Variants in ADAMTS19 observed in about 807,000 individuals in gnomAD.
ADAMTS19 encodes A disintegrin and metalloproteinase with thrombospondin motifs 19.
Under a neutral mutation model 153.3 loss-of-function variants are expected in ADAMTS19, and 93 were observed. The ratio of observed to expected loss-of-function variants is 0.61; its 90% CI spans 0.51 to 0.72. The LOEUF (loss-of-function observed/expected upper bound fraction) is 0.72, where lower values mean the gene tolerates loss of function less well. Among genes scored for constraint, ADAMTS19 ranks in the 30% least tolerant of loss-of-function variants. The pLI is 0.00. For missense variants in ADAMTS19, 1,482 were observed against 1,552.1 expected, an observed-to-expected ratio of 0.95 and a Z score of 0.76; for synonymous variants, 600 against 556.6, an observed-to-expected ratio of 1.08 and a Z score of -1.10.
chr5:129,703,010 A>G (rs1581243412), intron 20 of ADAMTS19, among the ~76,000 whole-genome samples: 1 of 147,534 alleles, frequency 6.8e-6, no homozygotes, highest in Non-Finnish European at 1.5e-5. Context: ...GCCAAATCAC[A>G]TAGTCCACTT....
intron 18 of ADAMTS19, among the ~76,000 whole-genome samples, chr5:129,690,849 A>G (rs1755300470): frequency 6.6e-6 from 1 of 152,108 alleles, no homozygotes; most frequent in African/African-American, 2.4e-5. Context: ...AGAAATTTAC[A>G]AACACACACA....
At chr5:129,671,654 T>C (rs1045924777) in intron 16 of ADAMTS19, among the ~76,000 whole-genome samples, 4 of 152,158 alleles carry the variant, frequency 2.6e-5, no homozygotes, top group African/African-American at 9.7e-5. Flanking sequence ...CAATTATTGT[T>C]TTTCATCATT....
At chr5:129,606,898 T>C (rs1750923142) in intron 8 of ADAMTS19, among the ~76,000 whole-genome samples, 1 of 126,004 alleles carries the variant, frequency 7.9e-6, no homozygotes, top group South Asian at 2.9e-4. Context: ...GAAATATGTT[T>C]CCACTTTATT....
chr5:129,511,878 A>G (rs1236463330), intron 3 of ADAMTS19, among the ~76,000 whole-genome samples: 3 of 152,054 alleles, frequency 2.0e-5, no homozygotes, highest in Non-Finnish European at 4.4e-5. Context: ...AAGTGACATT[A>G]TGTATTAAAA....
intron 18 of ADAMTS19, among the ~76,000 whole-genome samples, chr5:129,692,395 T>C (rs1218165142): frequency 2.6e-5 from 4 of 152,112 alleles, no homozygotes; most frequent in Non-Finnish European, 5.9e-5. Context: ...ATTTGAAAAT[T>C]ATTTGAAGTT....
At chr5:129,559,495 C>A (rs1436384115) in intron 7 of ADAMTS19, among the ~76,000 whole-genome samples, 2 of 152,028 alleles carry the variant, frequency 1.3e-5, no homozygotes, top group African/African-American at 4.8e-5. Flanking sequence ...AAATTAAAAT[C>A]TTACATTATA....
rs397767317 is a variant in ADAMTS19 at position 129,498,813 on chromosome 5, T to TTTG, written c.748-10264_748-10263insTTG. Reference sequence around the variant, plus strand: ...CATTCACTCTATTTTTTTTTTTTTTTGATCTTTCTTTGTTTCTTTAATACT... The same window carrying TTTG: ...CATTCACTCTATTTTTTTTTTTTTTTTTGGATCTTTCTTTGTTTCTTTAATACT... On this transcript the variant is annotated intron_variant, in intron 2 of 22. Transcript: ENST00000274487. 5.2e-3 allele frequency among the ~76,000 whole-genome samples: 770 copies of TTTG among 149,146 alleles called. 8 individuals carry two copies. The highest frequency in any genetic ancestry group is 0.018 in the African/African-American group (725 of 40,122).
At chr5:129,545,607 T>C (rs921076089) in intron 6 of ADAMTS19, among the ~76,000 whole-genome samples, 3 of 151,822 alleles carry the variant, frequency 2.0e-5, no homozygotes, top group Non-Finnish European at 2.9e-5. Flanking sequence ...AAAGAAGACA[T>C]TTATGCAGCC....
chr5:129,633,555 A>G (rs1752402095), intron 10 of ADAMTS19, among the ~76,000 whole-genome samples: 1 of 152,150 alleles, frequency 6.6e-6, no homozygotes, highest in Admixed American at 6.6e-5. Flanking sequence ...CTACAATGGC[A>G]GTATTGAATA....
At chr5:129,479,512 A>G (rs1750340339) in intron 2 of ADAMTS19, among the ~76,000 whole-genome samples, 1 of 152,214 alleles carries the variant, frequency 6.6e-6, no homozygotes, top group Non-Finnish European at 1.5e-5. Flanking sequence ...AAAGGTATTC[A>G]GATTGTAAAG....
intron 7 of ADAMTS19, among the ~76,000 whole-genome samples, chr5:129,565,584 A>T (rs1753677925): frequency 6.6e-6 from 1 of 152,182 alleles, no homozygotes; most frequent in Non-Finnish European, 1.5e-5. Context: ...CTAGAAATAG[A>T]GTGGTGCCTA....
chr5:129,675,612 T>A (rs375798934), intron 16 of ADAMTS19, among the ~76,000 whole-genome samples: 1 of 152,160 alleles, frequency 6.6e-6, no homozygotes, highest in Non-Finnish European at 1.5e-5. Flanking sequence ...TTATATATAT[T>A]TTTTCTATTT....
chr5:129,735,027 A>C lies in ADAMTS19; in HGVS notation c.3408A>C (p.Glu1136Asp). The C allele has an allele frequency of 6.2e-7, 1 of 1,612,296 alleles. No individual in the cohort carries two copies. The highest frequency in any genetic ancestry group is 8.5e-7 in the Non-Finnish European group (1 of 1,178,930). ...GRHGNECFSS[E>D]KPAAYRPCHL... ...ATGGAAATGAATGTTTTTCCTCAGA[A>C]AAACCTGCAGCATACAGGCCATGCC... The change falls in exon 22 of 23, where the codon GAA becomes GAC. Residue 1136 changes from glutamate (E) to aspartate (D), a missense_variant. By Grantham distance (45) the Glu-to-Asp change is conservative. Coordinates refer to ENST00000274487, the MANE Select transcript of ADAMTS19 (RefSeq NM_133638.6).
chr5:129,677,938 G>A (rs574541988), intron 16 of ADAMTS19, among the ~76,000 whole-genome samples: 6 of 152,020 alleles, frequency 3.9e-5, no homozygotes, highest in Non-Finnish European at 7.4e-5. Context: ...TCAGCCTCCC[G>A]AGTCACTGGG....
chr5:129,547,770 A>C (rs1204161238), intron 6 of ADAMTS19, among the ~76,000 whole-genome samples: 4 of 150,668 alleles, frequency 2.7e-5, no homozygotes, highest in Non-Finnish European at 5.9e-5. Context: ...CCTGACTTCA[A>C]ACTACACTAC....
intron 7 of ADAMTS19, among the ~76,000 whole-genome samples, chr5:129,575,659 A>G (rs745671892): frequency 6.6e-6 from 1 of 152,134 alleles, no homozygotes; most frequent in Non-Finnish European, 1.5e-5. Flanking sequence ...GTTTCTGTGT[A>G]GACTGTGAAG....
chr5:129,728,254 A>T (rs904474980), intron 21 of ADAMTS19, among the ~76,000 whole-genome samples: 16 of 152,178 alleles, frequency 1.1e-4, no homozygotes, highest in Admixed American at 6.5e-5. Flanking sequence ...ATTCATGAAT[A>T]ATCCACCTTT....
chr5:129,523,054 CAA>C (rs55963617), intron 3 of ADAMTS19, among the ~76,000 whole-genome samples: 47 of 105,222 alleles, frequency 4.5e-4, no homozygotes, highest in Admixed American at 6.1e-4. Context: ...GACTCCATCT[CAA>C]AAAAAAAAAA....
chr5:129,586,495 T>C (rs1301125330), intron 7 of ADAMTS19, among the ~76,000 whole-genome samples: 1 of 152,214 alleles, frequency 6.6e-6, no homozygotes, highest in Non-Finnish European at 1.5e-5. Context: ...TCTCTTTCCA[T>C]GGCTTGATAG....
Sources: gnomAD v4.1 joint callset for allele counts (sites outside exome capture counted in the v4.1 genomes callset) on GRCh38, gnomAD v4.1.1 for gene constraint, MANE v1.5 for transcripts, NCBI Gene and HGNC (gene_info 2026-07-23, HGNC 2026-07-21) for gene names.